MARK1: variants seen among roughly 807,000 people sequenced by gnomAD.
MARK1 encodes the protein microtubule affinity regulating kinase 1.
A neutral mutation model predicts 96.3 loss-of-function variants in MARK1; 40 were observed. The observed-to-expected ratio is 0.42, with a 90% CI of 0.32 to 0.54. The LOEUF is 0.54. Among genes scored for constraint, MARK1 ranks in the 20% least tolerant of loss-of-function variants. MARK1 has a pLI of 0.16. For missense variants in MARK1, 719 were observed against 984.6 expected, an observed-to-expected ratio of 0.73 and a Z score of 3.61; for synonymous variants, 317 against 341.2, an observed-to-expected ratio of 0.93 and a Z score of 0.78.
chr1:220,540,427 G>A (rs534165863), intron 1 of MARK1, among the ~76,000 whole-genome samples: 2 of 152,292 alleles, frequency 1.3e-5, no homozygotes, highest in South Asian at 2.1e-4. Flanking sequence ...ATTGATGAAG[G>A]TATATGCTTT....
At position 220,652,144 on chromosome 1, in the gene MARK1, G is replaced by A. The variant is rs1222839990; in HGVS notation, c.1730G>A (p.Arg577Gln). 7.5e-6 allele frequency: 12 copies of A among 1,601,246 alleles called. No individual in the cohort carries two copies. Among genetic ancestry groups the A allele is most frequent in the African/African-American group, 1.3e-5 (1 of 74,852 alleles). ...ATTAAAGACGGCTCTGAAGCTTACC[G>A]GCCTGGGTAATGTGTTGGTTACATC... ...PTIKDGSEAY[R>Q]PGTTQRVPAA... The change falls in exon 15 of 18, where the codon CGG (arginine) becomes CAG (glutamine). Residue 577 changes from arginine to glutamine, a missense_variant. Transcript: ENST00000366917.
At chr1:220,562,202 C>T (rs1039410268) in intron 1 of MARK1, among the ~76,000 whole-genome samples, 14 of 152,104 alleles carry the variant, frequency 9.2e-5, no homozygotes, top group Admixed American at 2.6e-4. Flanking sequence ...TGGTGATTCA[C>T]GCCAGTAATC....
At chr1:220,632,128 C>A in intron 10 of MARK1, 73 bp from the exon 11 acceptor site, 2 of 653,898 alleles carry the variant, frequency 3.1e-6, no homozygotes, top group Non-Finnish European at 5.0e-6. Context: ...AGATGGCAAA[C>A]TTGCCCATTT....
At chr1:220,534,673 C>G (rs1007469428) in intron 1 of MARK1, among the ~76,000 whole-genome samples, 1 of 152,086 alleles carries the variant, frequency 6.6e-6, no homozygotes, top group East Asian at 1.9e-4. Flanking sequence ...AACAGCAACT[C>G]CCTATTTCCC....
At chr1:220,646,860 A>G (rs1328299176) in intron 13 of MARK1, among the ~76,000 whole-genome samples, 1 of 152,182 alleles carries the variant, frequency 6.6e-6, no homozygotes, top group Non-Finnish European at 1.5e-5. Flanking sequence ...TATGCAGAAA[A>G]TTGAAACTGG....
chr1:220,543,717 C>CA (rs1284507374), intron 1 of MARK1, among the ~76,000 whole-genome samples: 1 of 152,032 alleles, frequency 6.6e-6, no homozygotes, highest in Non-Finnish European at 1.5e-5. Flanking sequence ...TTTAATAAAC[C>CA]AAGGTCTATT....
intron 6 of MARK1, among the ~76,000 whole-genome samples, chr1:220,606,900 T>C (rs937928194): frequency 1.3e-5 from 2 of 152,212 alleles, no homozygotes; most frequent in African/African-American, 4.8e-5. Flanking sequence ...TTGGTACCAG[T>C]ACCATGCTCT....
chr1:220,542,150 T>G (rs1425191053), intron 1 of MARK1, among the ~76,000 whole-genome samples: 1 of 152,240 alleles, frequency 6.6e-6, no homozygotes, highest in Non-Finnish European at 1.5e-5. Flanking sequence ...TTTTAATTTC[T>G]AAGTTTTAAG....
chr1:220,543,542 T>G (rs1184582321), intron 1 of MARK1, among the ~76,000 whole-genome samples: 1 of 152,212 alleles, frequency 6.6e-6, no homozygotes, highest in Non-Finnish European at 1.5e-5. Flanking sequence ...TAGAGGCCAT[T>G]CTATGCCACA....
chr1:220,619,377 G>A (rs1009567559), intron 9 of MARK1, among the ~76,000 whole-genome samples: 1 of 152,166 alleles, frequency 6.6e-6, no homozygotes, highest in Non-Finnish European at 1.5e-5. Context: ...GGGAGGCTGA[G>A]GCAGGAGAAT....
Position 220,583,010 on chromosome 1 carries a change from C to A in MARK1, c.309+1892C>A, listed in dbSNP as rs550190095. ...AGCAGATCAAGTCTTCATTAATTCTCATGTGTTTAGAACATTCAGCATTTG... is the reference window on the plus strand; with the variant it reads ...AGCAGATCAAGTCTTCATTAATTCTAATGTGTTTAGAACATTCAGCATTTG... On this transcript the variant is annotated intron_variant, in intron 3 of 17. Coordinates refer to ENST00000366917, the MANE Select transcript of MARK1 (RefSeq NM_018650.5). Among the ~76,000 whole-genome samples, 239 of 152,284 alleles carry A rather than the reference C, an allele frequency of 1.6e-3. 3 individuals carry two copies. Among genetic ancestry groups the A allele is most frequent in the South Asian group, 1.7e-3 (8 of 4,826 alleles).
At chr1:220,608,597 A>G (rs1342772897) in intron 6 of MARK1, among the ~76,000 whole-genome samples, 1 of 152,090 alleles carries the variant, frequency 6.6e-6, no homozygotes, top group African/African-American at 2.4e-5. Context: ...GCCTTCTGCT[A>G]GCTTTTGAAA....
chr1:220,578,325 C>A (rs1664010822), intron 1 of MARK1, among the ~76,000 whole-genome samples: 1 of 152,156 alleles, frequency 6.6e-6, no homozygotes, highest in African/African-American at 2.4e-5. Flanking sequence ...TGAAACAGAG[C>A]TGGTTAGGCA....
chr1:220,617,920 A>G (rs1021577267), intron 7 of MARK1, among the ~76,000 whole-genome samples: 3 of 152,298 alleles, frequency 2.0e-5, no homozygotes, highest in African/African-American at 4.8e-5. Flanking sequence ...TCCTTTGGGT[A>G]ATCATGTTGG....
intron 1 of MARK1, among the ~76,000 whole-genome samples, chr1:220,568,631 A>T (rs890926511): frequency 6.6e-6 from 1 of 152,130 alleles, no homozygotes; most frequent in African/African-American, 2.4e-5. Context: ...AATGTTCCCT[A>T]TACTCCCGTT....
chr1:220,534,657 A>G (rs1033926758), intron 1 of MARK1, among the ~76,000 whole-genome samples: 2 of 152,140 alleles, frequency 1.3e-5, no homozygotes, highest in African/African-American at 4.8e-5. Flanking sequence ...AACAGTGTAC[A>G]TATTGAACAG....
At chr1:220,659,499 A>G (rs571128953) in intron 17 of MARK1, among the ~76,000 whole-genome samples, 1 of 152,266 alleles carries the variant, frequency 6.6e-6, no homozygotes, top group East Asian at 1.9e-4. Flanking sequence ...ACTGCCTCAT[A>G]GGGTTGTTCT....
At chr1:220,578,557 AC>A (rs1251395080) in intron 1 of MARK1, among the ~76,000 whole-genome samples, 1 of 152,306 alleles carries the variant, frequency 6.6e-6, no homozygotes, top group East Asian at 1.9e-4. Flanking sequence ...TTAGAGGTAT[AC>A]TTGAGGCAGG....
intron 9 of MARK1, among the ~76,000 whole-genome samples, chr1:220,629,110 T>C (rs190879869): frequency 2.6e-5 from 4 of 152,174 alleles, no homozygotes; most frequent in Admixed American, 2.0e-4. Context: ...TCAAAAGATA[T>C]ATATATGGGA....
Sources: gnomAD v4.1 joint callset for allele counts (sites outside exome capture counted in the v4.1 genomes callset) on GRCh38, gnomAD v4.1.1 for gene constraint, MANE v1.5 for transcripts, NCBI Gene and HGNC (gene_info 2026-07-23, HGNC 2026-07-21) for gene names.